FRMD4A: variants seen among roughly 807,000 people sequenced by gnomAD.
FRMD4A encodes the protein FERM domain containing 4A, also known as FERM domain-containing protein 4A.
FRMD4A carries 29 observed loss-of-function variants against 129.1 expected under a neutral mutation model. The ratio of observed to expected loss-of-function variants is 0.22; its 90% confidence interval spans 0.17 to 0.31. FRMD4A has a LOEUF of 0.31. Ranked by LOEUF, FRMD4A falls within the 10% of genes least tolerant of loss-of-function variation. The probability of loss-of-function intolerance (pLI) is 1.00; values close to 1 mark genes in which losing one functional copy is unlikely to be tolerated. For synonymous variants in FRMD4A, 634 were observed against 571.6 expected, an observed-to-expected ratio of 1.11 and a Z score of -1.56; for missense variants, 1,272 against 1,375.8, an observed-to-expected ratio of 0.92 and a Z score of 1.19.
At chr10:14,262,472 G>A (rs2132035349) in intron 2 of FRMD4A, among the ~76,000 whole-genome samples, 1 of 152,260 alleles carries the variant, frequency 6.6e-6, no homozygotes, top group African/African-American at 2.4e-5. Context: ...TGTGTGTCGA[G>A]GCTTATCTAG....
intron 13 of FRMD4A, among the ~76,000 whole-genome samples, chr10:13,703,709 GT>G: frequency 6.6e-6 from 1 of 152,252 alleles, no homozygotes; most frequent in Admixed American, 6.5e-5. Flanking sequence ...GCACCGCGAG[GT>G]TCACTTCAAA....
intron 2 of FRMD4A, among the ~76,000 whole-genome samples, chr10:13,927,971 A>C (rs1221956075): frequency 6.6e-6 from 1 of 152,156 alleles, no homozygotes; most frequent in African/African-American, 2.4e-5. Flanking sequence ...ATTTTTAAAA[A>C]GAGAAATTCA....
At chr10:14,014,177 C>T (rs1296719145) in intron 2 of FRMD4A, among the ~76,000 whole-genome samples, 2 of 152,076 alleles carry the variant, frequency 1.3e-5, no homozygotes, top group South Asian at 2.1e-4. Flanking sequence ...TGGGAGAAAC[C>T]GTCGCTTTGA....
chr10:13,659,056 G>A (rs928376612), intron 21 of FRMD4A, among the ~76,000 whole-genome samples: 1 of 152,270 alleles, frequency 6.6e-6, no homozygotes, highest in South Asian at 2.1e-4. Flanking sequence ...GCCAGCCTCT[G>A]TGGCCTCTGC....
intron 14 of FRMD4A, among the ~76,000 whole-genome samples, chr10:13,696,917 A>T (rs931153665): frequency 6.6e-6 from 1 of 152,228 alleles, no homozygotes; most frequent in Admixed American, 6.5e-5. Context: ...AGGCCATCGT[A>T]ATAAGAATAG....
At chr10:13,995,594 C>G (rs2095619635) in intron 2 of FRMD4A, among the ~76,000 whole-genome samples, 1 of 152,102 alleles carries the variant, frequency 6.6e-6, no homozygotes, top group African/African-American at 2.4e-5. Context: ...CAGACAAACA[C>G]AAGATGATCT....
At position 14,033,795 on chromosome 10, in the gene FRMD4A, A is replaced by AGG. The variant is rs1397858693; in HGVS notation, c.46-174884_46-174883insCC. Among the ~76,000 whole-genome samples, 4 of 151,072 alleles carry AGG rather than the reference A, an allele frequency of 2.6e-5. No homozygotes were observed. The South Asian group carries it at 6.4e-4, about 24-fold the overall frequency. On this transcript the variant is annotated intron_variant, in intron 2 of 24. Transcript: ENST00000357447. ...GCAAAACTCAGAAAGAGAGAGAGAG[A>AGG]GAGAGAGACAGAGAGAGAAAGAAAA... is the stretch of plus-strand genomic sequence containing the variant.
intron 3 of FRMD4A, among the ~76,000 whole-genome samples, chr10:13,811,230 G>C (rs1399903306): frequency 1.1e-4 from 16 of 150,228 alleles, no homozygotes; most frequent in Admixed American, 1.1e-3. Flanking sequence ...CTGCCTCCCG[G>C]GTTCAAGCGA....
intron 2 of FRMD4A, among the ~76,000 whole-genome samples, chr10:14,152,125 T>C (rs1840369774): frequency 8.0e-6 from 1 of 125,050 alleles, no homozygotes; most frequent in African/African-American, 3.4e-5. Context: ...TGCTTTTTTT[T>C]TTTTTTTTTT....
intron 3 of FRMD4A, among the ~76,000 whole-genome samples, chr10:13,819,562 T>C (rs936724331): frequency 1.3e-5 from 2 of 152,088 alleles, no homozygotes; most frequent in South Asian, 2.1e-4. Context: ...CTATAGCAGG[T>C]TGAATGGTGG....
intron 2 of FRMD4A, among the ~76,000 whole-genome samples, chr10:14,162,487 C>T (rs1216316935): frequency 2.6e-5 from 4 of 152,134 alleles, no homozygotes; most frequent in Admixed American, 2.0e-4. Context: ...GAGGAATGAA[C>T]GAGCTCAGCA....
intron 5 of FRMD4A, among the ~76,000 whole-genome samples, chr10:13,790,493 T>C (rs894359589): frequency 6.6e-6 from 1 of 151,858 alleles, no homozygotes; most frequent in East Asian, 1.9e-4. Flanking sequence ...ACACCAGGGC[T>C]CAAGGGACAG....
chr10:14,030,415 G>A (rs533104502), intron 2 of FRMD4A, among the ~76,000 whole-genome samples: 67 of 152,282 alleles, frequency 4.4e-4, no homozygotes, highest in African/African-American at 1.1e-3. Flanking sequence ...ATTTTTGTCC[G>A]TGATATCTCC....
intron 2 of FRMD4A, among the ~76,000 whole-genome samples, chr10:14,196,158 C>A (rs1332498334): frequency 1.6e-5 from 2 of 123,518 alleles, no homozygotes; most frequent in Non-Finnish European, 3.4e-5. Flanking sequence ...CTCACATGCA[C>A]ACACATACAC....
intron 5 of FRMD4A, among the ~76,000 whole-genome samples, chr10:13,791,134 G>T (rs964477361): frequency 6.6e-6 from 1 of 152,158 alleles, no homozygotes; most frequent in Non-Finnish European, 1.5e-5. Flanking sequence ...TAAAGAAGTA[G>T]GACTAGGAGC....
At chr10:14,059,603 A>G (rs75098484) in intron 2 of FRMD4A, among the ~76,000 whole-genome samples, 125 of 152,336 alleles carry the variant, frequency 8.2e-4, no homozygotes, top group African/African-American at 3.0e-3. Flanking sequence ...TGAACTCCCC[A>G]GCATCCAGAA....
chr10:13,685,974 G>A (rs544879969), intron 15 of FRMD4A, among the ~76,000 whole-genome samples: 4 of 152,128 alleles, frequency 2.6e-5, no homozygotes, highest in African/African-American at 2.4e-5. Flanking sequence ...AAGGGATAAC[G>A]ACTCTGTCTC....
intron 2 of FRMD4A, among the ~76,000 whole-genome samples, chr10:14,004,089 T>G (rs2095652676): frequency 6.6e-6 from 1 of 152,162 alleles, no homozygotes; most frequent in African/African-American, 2.4e-5. Context: ...TTAGAAAAAT[T>G]TTGTTTTCCA....
intron 2 of FRMD4A, among the ~76,000 whole-genome samples, chr10:14,327,814 G>A (rs1320765510): frequency 6.6e-6 from 1 of 152,136 alleles, no homozygotes; most frequent in Non-Finnish European, 1.5e-5. Flanking sequence ...GTTATGCCAG[G>A]CTACTTTCCT....
Sources: gnomAD v4.1 joint callset for allele counts (sites outside exome capture counted in the v4.1 genomes callset) on GRCh38, gnomAD v4.1.1 for gene constraint, MANE v1.5 for transcripts, NCBI Gene and HGNC (gene_info 2026-07-23, HGNC 2026-07-21) for gene names.